The following CDK5RAP2 variants were observed in gnomAD, a reference collection of about 807,000 sequenced individuals.
CDK5RAP2 encodes CDK5 regulatory subunit-associated protein 2.
In CDK5RAP2, 147 loss-of-function variants were observed where a neutral mutation model predicts 232.9. The ratio of observed to expected loss-of-function variants is 0.63; its 90% confidence interval spans 0.55 to 0.72. CDK5RAP2 has a LOEUF of 0.72. Among genes scored for constraint, CDK5RAP2 ranks in the 30% least tolerant of loss-of-function variants. The pLI is 0.00. For synonymous variants in CDK5RAP2, 833 were observed against 833.7 expected, an observed-to-expected ratio of 1.00 and a Z score of 0.01; for missense variants, 2,195 against 2,231.5, an observed-to-expected ratio of 0.98 and a Z score of 0.33.
chr9:120,571,493 T>G (rs1450235538), intron 2 of CDK5RAP2, among the ~76,000 whole-genome samples: 1 of 152,212 alleles, frequency 6.6e-6, no homozygotes, highest in Non-Finnish European at 1.5e-5. Context: ...GTACGCTACT[T>G]ATTTACTCAG....
intron 12 of CDK5RAP2, among the ~76,000 whole-genome samples, chr9:120,497,352 T>C (rs1297789947): frequency 9.5e-6 from 1 of 104,768 alleles, no homozygotes; most frequent in East Asian, 3.4e-4. Flanking sequence ...CCCTCCACTA[T>C]TGTCCCATGA....
chr9:120,414,878 G>A (rs2034113444), intron 28 of CDK5RAP2, among the ~76,000 whole-genome samples, 162 bp downstream of exon 28: 1 of 152,172 alleles, frequency 6.6e-6, no homozygotes. Flanking sequence ...TAAATGAGAT[G>A]CCAGTCACAA....
intron 18 of CDK5RAP2, among the ~76,000 whole-genome samples, chr9:120,465,333 T>C (rs2037315396): frequency 6.6e-6 from 1 of 152,148 alleles, no homozygotes; most frequent in Non-Finnish European, 1.5e-5. Flanking sequence ...CTATAATGCA[T>C]GAAAAACCAG....
At chr9:120,458,351 G>T in intron 20 of CDK5RAP2, 99 bp downstream of exon 20, 1 of 1,173,226 alleles carries the variant, frequency 8.5e-7, no homozygotes, top group Non-Finnish European at 1.3e-6. Flanking sequence ...GCTCTCTCAG[G>T]TAAATTACAC....
At chr9:120,540,948 A>C (rs1347438024) in intron 5 of CDK5RAP2, among the ~76,000 whole-genome samples, 1 of 152,186 alleles carries the variant, frequency 6.6e-6, no homozygotes, top group Non-Finnish European at 1.5e-5. Flanking sequence ...TTTCCTGATT[A>C]ATACCATTGA....
intron 36 of CDK5RAP2, among the ~76,000 whole-genome samples, chr9:120,392,430 T>C (rs1238842903): frequency 6.6e-6 from 1 of 152,234 alleles, no homozygotes; most frequent in Non-Finnish European, 1.5e-5. Context: ...ATCTGGGTTC[T>C]AGTTCTGTCC....
chr9:120,442,659 T>C (rs1014690862), intron 23 of CDK5RAP2, among the ~76,000 whole-genome samples: 1 of 152,266 alleles, frequency 6.6e-6, no homozygotes, highest in African/African-American at 2.4e-5. Flanking sequence ...AGACCATTTA[T>C]GAATATTTGC....
intron 12 of CDK5RAP2, among the ~76,000 whole-genome samples, chr9:120,499,700 T>A (rs2039486155): frequency 1.3e-5 from 2 of 152,214 alleles, no homozygotes; most frequent in South Asian, 4.1e-4. Context: ...AAGGGTTTTT[T>A]ATATTATTAT....
rs750294939 is a variant in CDK5RAP2, at chr9:120,422,756, A to G, written c.3956-15T>C. On this transcript the variant is annotated splice_polypyrimidine_tract_variant and intron_variant, in intron 25 of 37. Transcript: ENST00000349780. The stretch of plus-strand genomic sequence containing the variant: ...AACTGATTTTCCTGGAAGCAGAAAT[A>G]ACATCAAGAAAGGAGGAGAAAAAAA... 12 of 1,606,464 alleles carry G rather than the reference A, an allele frequency of 7.5e-6. No homozygotes were observed. The highest frequency in any genetic ancestry group is 8.5e-6 in the Non-Finnish European group (10 of 1,173,314).
chr9:120,414,843 T>C (rs2034111914), intron 28 of CDK5RAP2, among the ~76,000 whole-genome samples, 197 bp downstream of exon 28: 1 of 152,242 alleles, frequency 6.6e-6, no homozygotes, highest in African/African-American at 2.4e-5. Flanking sequence ...AAAATTCCTA[T>C]CTATTTCTCT....
chr9:120,500,293 T>C lies in CDK5RAP2; in HGVS notation c.1312-8816A>G, dbSNP rs551863733. 3.3e-5 allele frequency among the ~76,000 whole-genome samples: 5 copies of C among 152,290 alleles called. No individual in the cohort carries two copies. The East Asian group carries it at 9.7e-4, about 29-fold the overall frequency. On this transcript the variant is annotated intron_variant, in intron 12 of 37. Coordinates refer to ENST00000349780, the MANE Select transcript of CDK5RAP2 (RefSeq NM_018249.6). ...GTGAGCATAAAACAAGTTTTTTTTT[T>C]CTAACTTCTGATTTGTTTTCTTAGG...
intron 3 of CDK5RAP2, among the ~76,000 whole-genome samples, chr9:120,556,346 C>T (rs756109852): frequency 8.6e-5 from 13 of 152,018 alleles, no homozygotes; most frequent in Non-Finnish European, 1.6e-4. Flanking sequence ...GCTAGTACAT[C>T]TTCACACATA....
chr9:120,459,423 C>T (rs1396603812), intron 19 of CDK5RAP2, among the ~76,000 whole-genome samples: 1 of 152,152 alleles, frequency 6.6e-6, no homozygotes, highest in Non-Finnish European at 1.5e-5. Context: ...CTAGCCATCA[C>T]CCCCATCTCT....
chr9:120,399,702 G>T (rs1288616427), intron 35 of CDK5RAP2, among the ~76,000 whole-genome samples: 1 of 152,236 alleles, frequency 6.6e-6, no homozygotes, highest in Admixed American at 6.5e-5. Context: ...CTGGACCCCA[G>T]TGAGTCTCAG....
At chr9:120,458,283 A>G (rs2036896030) in intron 20 of CDK5RAP2, among the ~76,000 whole-genome samples, 167 bp downstream of exon 20, 1 of 152,192 alleles carries the variant, frequency 6.6e-6, no homozygotes, top group Non-Finnish European at 1.5e-5. Context: ...AGCCACTAGC[A>G]TGCAGCCTAA....
At chr9:120,537,060 G>A (rs951192379) in intron 6 of CDK5RAP2, among the ~76,000 whole-genome samples, 3 of 151,990 alleles carry the variant, frequency 2.0e-5, no homozygotes, top group African/African-American at 4.8e-5. Flanking sequence ...CATGCAGGCA[G>A]TGTCTGTGTT....
chr9:120,487,414 T>G lies in CDK5RAP2; in HGVS notation c.1506A>C (p.Glu502Asp). 16 of 1,608,434 alleles carry G rather than the reference T, an allele frequency of 9.9e-6. No individual in the cohort carries two copies. The highest frequency in any genetic ancestry group is 1.4e-5 in the Non-Finnish European group (16 of 1,178,058). Reference protein sequence around the residue: ...LLQKFNEKDLEVIQQNCYLMA... With the variant: ...LLQKFNEKDLDVIQQNCYLMA... ...TTAAATAGCAGTTCTGCTGTATTACTTCCAAATCTTTTTCATTGAATTTCT... is the reference window on the plus strand; with the variant it reads ...TTAAATAGCAGTTCTGCTGTATTACGTCCAAATCTTTTTCATTGAATTTCT... Residue 502 changes from glutamate to aspartate, a missense_variant, in exon 14 of 38, where the codon GAA becomes GAC. Glu to Asp is a conservative substitution (Grantham distance 45). Transcript: ENST00000349780.
At chr9:120,393,900 CAGCCACCAGCG>C (rs959960079) in intron 36 of CDK5RAP2, among the ~76,000 whole-genome samples, 2 of 152,136 alleles carry the variant, frequency 1.3e-5, no homozygotes, top group Non-Finnish European at 2.9e-5. Flanking sequence ...ACTGGTGGAG[CAGCCACCAGCG>C]AGCCATTCTT....
At chr9:120,450,469 C>T (rs2036424581) in intron 21 of CDK5RAP2, among the ~76,000 whole-genome samples, 1 of 152,092 alleles carries the variant, frequency 6.6e-6, no homozygotes. Flanking sequence ...AAAAAACCCA[C>T]TGAATTGTAT....
Sources: gnomAD v4.1 joint callset for allele counts (sites outside exome capture counted in the v4.1 genomes callset) on GRCh38, gnomAD v4.1.1 for gene constraint, MANE v1.5 for transcripts, NCBI Gene and HGNC (gene_info 2026-07-23, HGNC 2026-07-21) for gene names.